The following UBE2E3 variants were observed in gnomAD, a reference collection of about 807,000 sequenced individuals.
UBE2E3 encodes ubiquitin-conjugating enzyme E2 E3.
UBE2E3 carries 5 observed loss-of-function variants against 23.6 expected under a neutral mutation model. That is an observed-to-expected ratio of 0.21 (90% CI 0.11 to 0.44). The LOEUF (loss-of-function observed/expected upper bound fraction) is 0.44, where lower values mean the gene tolerates loss of function less well. Ranked by LOEUF, UBE2E3 falls within the 20% of genes least tolerant of loss-of-function variation. UBE2E3 has a pLI of 0.99. For missense variants in UBE2E3, 81 were observed against 249.8 expected (o/e 0.32, Z 4.55); for synonymous variants, 78 against 87.5 (o/e 0.89, Z 0.60).
intron 3 of UBE2E3, among the ~76,000 whole-genome samples, chr2:181,013,933 A>T (rs956949740): frequency 6.6e-6 from 1 of 152,200 alleles, no homozygotes; most frequent in African/African-American, 2.4e-5. Context: ...TACAGAAGGG[A>T]GAGCAAGAGC....
At chr2:181,000,170 T>C (rs1684949142) in intron 3 of UBE2E3, among the ~76,000 whole-genome samples, 1 of 152,228 alleles carries the variant, frequency 6.6e-6, no homozygotes, top group Non-Finnish European at 1.5e-5. Context: ...CACTAGGTGT[T>C]CAGAATAAGA....
At chr2:181,030,929 C>A (rs1384995036) in intron 3 of UBE2E3, among the ~76,000 whole-genome samples, 1 of 152,044 alleles carries the variant, frequency 6.6e-6, no homozygotes, top group Non-Finnish European at 1.5e-5. Context: ...TTTTTATTGA[C>A]ACTATTTTGT....
intron 3 of UBE2E3, among the ~76,000 whole-genome samples, chr2:181,052,153 C>T (rs894856650): frequency 2.0e-5 from 3 of 151,812 alleles, no homozygotes; most frequent in Non-Finnish European, 4.4e-5. Context: ...GTGGCTGACA[C>T]ACCCACATCC....
chr2:181,013,712 G>A (rs1685399417), intron 3 of UBE2E3, among the ~76,000 whole-genome samples: 1 of 152,162 alleles, frequency 6.6e-6, no homozygotes, highest in Non-Finnish European at 1.5e-5. Flanking sequence ...TATGTGTGCA[G>A]CAGATGAAAT....
At chr2:181,013,893 A>G (rs1685407601) in intron 3 of UBE2E3, among the ~76,000 whole-genome samples, 1 of 152,178 alleles carries the variant, frequency 6.6e-6, no homozygotes, top group East Asian at 1.9e-4. Flanking sequence ...AATATTATTC[A>G]TGTGGTCATT....
intron 3 of UBE2E3, among the ~76,000 whole-genome samples, chr2:181,039,001 C>G (rs892753294): frequency 1.3e-5 from 2 of 152,028 alleles, no homozygotes; most frequent in African/African-American, 4.8e-5. Context: ...CTTGGGATAA[C>G]AGTTTTGGGG....
At chr2:180,989,556 A>G (rs1684590409) in intron 3 of UBE2E3, among the ~76,000 whole-genome samples, 1 of 152,166 alleles carries the variant, frequency 6.6e-6, no homozygotes, top group South Asian at 2.1e-4. Flanking sequence ...TACTCACAGT[A>G]GGCCTAGTTA....
intron 3 of UBE2E3, among the ~76,000 whole-genome samples, chr2:181,041,037 C>A (rs1418714666): frequency 6.6e-6 from 1 of 151,862 alleles, no homozygotes; most frequent in East Asian, 1.9e-4. Flanking sequence ...ATCACGAGGT[C>A]AGGAGATCAA....
rs1378461751 is a variant in UBE2E3, at chr2:180,980,982, G to GCGGGGC, written c.-26+15_-26+20dup. The GCGGGGC allele has an allele frequency of 6.8e-6, 1 of 147,090 alleles. No homozygotes were observed. The highest frequency in any genetic ancestry group is 1.5e-5 in the Non-Finnish European group (1 of 65,790). 9.1% of individuals were successfully genotyped at this position (147,090 alleles called of 1,614,324 possible). On this transcript the variant is annotated intron_variant, in intron 1 of 5. Transcript: ENST00000410062. The surrounding 1 kb of genome is among the most constrained non-coding windows in gnomAD (Gnocchi z 5.5). ...CCGGGCGGGCGGCCGAGGTAAGGCG[G>GCGGGGC]CGGGGCCGGGGGGCCGCGTGGGGGG...
At chr2:181,059,789 C>A (rs185430829) in intron 4 of UBE2E3, among the ~76,000 whole-genome samples, 105 of 151,732 alleles carry the variant, frequency 6.9e-4, no homozygotes, top group Non-Finnish European at 1.3e-3. Context: ...GGTCCCCTAC[C>A]CCCTCCCTGT....
intron 3 of UBE2E3, among the ~76,000 whole-genome samples, chr2:180,994,236 A>C (rs1272295558): frequency 1.3e-5 from 2 of 152,140 alleles, no homozygotes; most frequent in Admixed American, 1.3e-4. Flanking sequence ...TGCAATTATC[A>C]CTTTTCCCTT....
intron 5 of UBE2E3, 34 bp downstream of exon 5, chr2:181,060,846 C>G (rs1269308841): frequency 3.6e-5 from 24 of 663,032 alleles, no homozygotes; most frequent in Non-Finnish European, 5.5e-5. Flanking sequence ...TACAATAAGA[C>G]TACAAAAACG....
At chr2:181,057,914 A>C in intron 4 of UBE2E3, 89 bp downstream of exon 4, 1 of 1,345,680 alleles carries the variant, frequency 7.4e-7, no homozygotes, top group Non-Finnish European at 1.0e-6. Context: ...TGATGCAGTT[A>C]TTTTGATTTC....
Position 180,994,184 on chromosome 2 carries a change from A to G in UBE2E3, c.245+10091A>G, listed in dbSNP as rs912642202. Among the ~76,000 whole-genome samples, 9 of 152,168 alleles carry G rather than the reference A, an allele frequency of 5.9e-5. 1 individual carries two copies. The highest frequency in any genetic ancestry group is 1.3e-4 in the Non-Finnish European group (9 of 68,018). ...TCCACATTTCCATTAGAAGATGCCA[A>G]ATACTCATTTTCTTCTTTTGAAAAC... On this transcript the variant is annotated intron_variant, in intron 3 of 5. Transcript: ENST00000410062.
chr2:180,984,680 G>C (rs944684782), intron 3 of UBE2E3, among the ~76,000 whole-genome samples: 1 of 152,094 alleles, frequency 6.6e-6, no homozygotes, highest in African/African-American at 2.4e-5. Flanking sequence ...TAGTAATTTT[G>C]GTGGTTGGAA....
At chr2:181,006,525 A>G (rs781709126) in intron 3 of UBE2E3, among the ~76,000 whole-genome samples, 1 of 151,942 alleles carries the variant, frequency 6.6e-6, no homozygotes, top group Non-Finnish European at 1.5e-5. Flanking sequence ...TATGTCCCAA[A>G]TGTACATGGA....
chr2:181,060,620 A>AT, intron 4 of UBE2E3, 45 bp from the exon 5 acceptor site: 1 of 1,528,924 alleles, frequency 6.5e-7, no homozygotes. Context: ...TTAATTGGTA[A>AT]TACAGCATTC....
At chr2:181,056,579 CCT>C (rs1341321893) in intron 3 of UBE2E3, among the ~76,000 whole-genome samples, 1 of 151,724 alleles carries the variant, frequency 6.6e-6, no homozygotes, top group African/African-American at 2.4e-5. Flanking sequence ...AGGACTCACC[CCT>C]GAGGGAGGGC....
At chr2:181,015,813 G>T (rs56276437) in intron 3 of UBE2E3, among the ~76,000 whole-genome samples, 2,730 of 152,160 alleles carry the variant, frequency 0.018, 65 homozygotes, top group African/African-American at 0.062. Flanking sequence ...CATGGTCCTT[G>T]TTCCATATAC....
Sources: allele counts gnomAD v4.1 joint callset (sites outside exome capture counted in the v4.1 genomes callset), GRCh38; gene constraint gnomAD v4.1.1; non-coding constraint Gnocchi (gnomAD v3.1); transcripts MANE v1.5; gene names NCBI Gene and HGNC (gene_info 2026-07-23, HGNC 2026-07-21).